The following PCNT variants were observed in gnomAD, a reference collection of about 807,000 sequenced individuals.
PCNT encodes the protein kendrin.
Under a neutral mutation model 380.4 loss-of-function variants are expected in PCNT, and 319 were observed. That is an observed-to-expected ratio of 0.84 (90% confidence interval 0.77 to 0.92). The LOEUF is 0.92. Ranked by LOEUF, PCNT falls within the 40% of genes least tolerant of loss-of-function variation. PCNT has a pLI of 0.00. For synonymous variants in PCNT, 1,845 were observed against 1,735.2 expected (o/e 1.06, Z -1.57); for missense variants, 4,400 against 4,255.3 (o/e 1.03, Z -0.95).
chr21:46,334,021 ATGG>A (rs2083646624), intron 2 of PCNT, among the ~76,000 whole-genome samples: 2 of 152,078 alleles, frequency 1.3e-5, no homozygotes, highest in African/African-American at 4.8e-5. Flanking sequence ...CTTGGCTAAC[ATGG>A]TGAAACCCTG....
intron 19 of PCNT, 119 bp from the exon 20 acceptor site, chr21:46,390,551 C>T: frequency 9.4e-7 from 1 of 1,066,438 alleles, no homozygotes; most frequent in South Asian, 1.3e-5. Flanking sequence ...CCTGGCCTGG[C>T]CCTGCCTGGG....
Position 46,422,143 on chromosome 21 carries a change from G to A in PCNT, c.7179+19G>A. The A allele has an allele frequency of 6.2e-7, 1 of 1,612,570 alleles. No homozygotes were observed. Among genetic ancestry groups the A allele is most frequent in the Non-Finnish European group, 8.5e-7 (1 of 1,179,864 alleles). ...CGTGAAGGTATGGCTGGCAGGGGCG[G>A]CCCTCACAGCTTCACATGTGCAGCC... On this transcript the variant is annotated intron_variant, in intron 32 of 46. Coordinates refer to ENST00000359568, the MANE Select transcript of PCNT (RefSeq NM_006031.6).
At position 46,412,057 on chromosome 21, in the gene PCNT, C is replaced by G; in HGVS notation, c.5984C>G (p.Pro1995Arg). ...GATGCTGCTTTGGAGCCGGTTGTCC[C>G]TGACCCACAGGTGGGCTCCCCCCGC... ...SHDAALEPVVPDPQGDLQPVL... is the reference protein window; with the variant it reads ...SHDAALEPVVRDPQGDLQPVL... Residue 1995 changes from proline (P) to arginine (R), a missense_variant, in exon 28 of 47, where the codon CCT becomes CGT. Coordinates refer to ENST00000359568, the MANE Select transcript of PCNT (RefSeq NM_006031.6). The G allele has an allele frequency of 6.2e-7, 1 of 1,607,030 alleles. No homozygotes were observed. The highest frequency in any genetic ancestry group is 1.1e-5 in the South Asian group (1 of 91,002).
rs1290537073 is a variant in PCNT at position 46,411,228 on chromosome 21, G to A, written c.5155G>A (p.Ala1719Thr). The A allele has an allele frequency of 6.2e-7, 1 of 1,614,178 alleles. No individual in the cohort carries two copies. The highest frequency in any genetic ancestry group is 1.7e-5 in the Admixed American group (1 of 60,034). ...AAGTTCTGAGATTGAAGAGCTGAAA[G>A]CCACTATTGAAAATCTGCAAGAGAA... ...TRSSEIEELKATIENLQENQK... is the reference protein window; with the variant it reads ...TRSSEIEELKTTIENLQENQK... The change falls in exon 28 of 47, where the codon GCC becomes ACC. Residue 1719 changes from alanine to threonine, a missense_variant. Physicochemically the swap from Ala to Thr is moderately conservative, Grantham distance 58. Transcript: ENST00000359568.
chr21:46,338,971 G>A (rs567631303), intron 3 of PCNT, among the ~76,000 whole-genome samples: 4 of 152,020 alleles, frequency 2.6e-5, no homozygotes, highest in South Asian at 2.1e-4. Flanking sequence ...TAGTAGAGAC[G>A]GGGTTTCACC....
chr21:46,371,798 T>C (rs932775304), intron 15 of PCNT, among the ~76,000 whole-genome samples: 30 of 150,244 alleles, frequency 2.0e-4, no homozygotes, highest in African/African-American at 6.1e-4. Flanking sequence ...ACAGCACATG[T>C]GCACACACAG....
chr21:46,341,946 A>T lies in PCNT; in HGVS notation c.640-4182A>T, dbSNP rs1316127125. On this transcript the variant is annotated intron_variant, in intron 3 of 46. Coordinates refer to ENST00000359568, the MANE Select transcript of PCNT (RefSeq NM_006031.6). The stretch of plus-strand genomic sequence containing the variant: ...CTCCTGCTTTACATGCTTTTTACTT[A>T]TTTTTTTTTTTTTGAGATGGAGTCC... Among the ~76,000 whole-genome samples the T allele has an allele frequency of 5.5e-5, 8 of 145,152 alleles. No individual in the cohort carries two copies. In the East Asian group the frequency reaches 8.0e-4, roughly 15 times the overall value.
chr21:46,411,302 T>C lies in PCNT; in HGVS notation c.5229T>C (p.His1743=). Residue 1743 remains histidine, a synonymous_variant, in exon 28 of 47, where the codon CAT becomes CAC. Coordinates refer to ENST00000359568, the MANE Select transcript of PCNT (RefSeq NM_006031.6). ...KEKAEEIEQL[H]EVIEKLQHEL... is the part of the protein sequence containing the mutation. ...AAGCAGAGGAAATTGAACAACTCCA[T>C]GAAGTCATTGAGAAGCTGCAGCACG... 6.2e-7 allele frequency: 1 copy of C among 1,614,170 alleles called. No homozygotes were observed. Among genetic ancestry groups the C allele is most frequent in the Non-Finnish European group, 8.5e-7 (1 of 1,180,024 alleles).
At chr21:46,328,833 G>A (rs1225232253) in intron 2 of PCNT, among the ~76,000 whole-genome samples, 1 of 151,320 alleles carries the variant, frequency 6.6e-6, no homozygotes, top group Non-Finnish European at 1.5e-5. Flanking sequence ...GAGTGCAGCG[G>A]CACGCCCTCT....
chr21:46,430,489 T>C lies in PCNT; in HGVS notation c.7914-18T>C, dbSNP rs769555111. On this transcript the variant is annotated intron_variant, in intron 36 of 46. Coordinates refer to ENST00000359568, the MANE Select transcript of PCNT (RefSeq NM_006031.6). ...TCTGGCCCACGTGGTCAGATTGTTC[T>C]GCGATGTCTCCACGCAGATCCATGC... The C allele has an allele frequency of 6.5e-7, 1 of 1,549,906 alleles. No homozygotes were observed. Among genetic ancestry groups the C allele is most frequent in the East Asian group, 2.4e-5 (1 of 40,932 alleles).
At chr21:46,421,787 C>T (rs528140351) in intron 31 of PCNT, among the ~76,000 whole-genome samples, 183 bp from the exon 32 acceptor site, 1 of 152,248 alleles carries the variant, frequency 6.6e-6, no homozygotes, top group Non-Finnish European at 1.5e-5. Flanking sequence ...GCGTCTTTCT[C>T]ACCAGGGTTA....
rs1453822837 is a variant in PCNT at position 46,349,836 on chromosome 21, GTTAT to G, written c.1344+20_1344+23del. On this transcript the variant is annotated intron_variant, in intron 8 of 46. Coordinates refer to ENST00000359568, the MANE Select transcript of PCNT (RefSeq NM_006031.6). The stretch of plus-strand genomic sequence containing the variant: ...ACAGCTGGAGGTGGGCAGCAGCTTC[GTTAT>G]TTAATTACTTGGTATATTAGGGAAG... The G allele has an allele frequency of 6.2e-7, 1 of 1,612,678 alleles. No individual in the cohort carries two copies. The highest frequency in any genetic ancestry group is 8.5e-7 in the Non-Finnish European group (1 of 1,178,688).
intron 38 of PCNT, among the ~76,000 whole-genome samples, chr21:46,435,703 C>T (rs1321938361): frequency 7.2e-5 from 11 of 152,008 alleles, no homozygotes; most frequent in African/African-American, 9.7e-5. Flanking sequence ...CCACCACGCC[C>T]GGCTAATTTT....
chr21:46,326,215 T>C (rs1269055190), intron 1 of PCNT, among the ~76,000 whole-genome samples, 162 bp from the exon 2 acceptor site: 1 of 152,260 alleles, frequency 6.6e-6, no homozygotes, highest in Admixed American at 6.5e-5. Flanking sequence ...TAGATATTGA[T>C]GAAGGCAGTG....
intron 32 of PCNT, among the ~76,000 whole-genome samples, chr21:46,423,954 G>A (rs1258123017): frequency 6.6e-6 from 1 of 152,148 alleles, no homozygotes; most frequent in African/African-American, 2.4e-5. Context: ...GTCTCAGACT[G>A]TTTCAAACTC....
In PCNT at chr21:46,401,708, G is replaced by A. The variant is rs982539653; in HGVS notation, c.4949G>A (p.Arg1650Gln). The A allele has an allele frequency of 2.3e-5, 37 of 1,613,970 alleles. No individual in the cohort carries two copies. Among genetic ancestry groups the A allele is most frequent in the Non-Finnish European group, 2.7e-5 (32 of 1,180,028 alleles). ...QLEVTQRALL[R>Q]RESEVLDLKE... ...GAGGTGACACAGAGAGCACTCCTGC[G>A]GCGCGAGAGCGAGGTGAGTGCAGAG... The change falls in exon 26 of 47, where the codon CGG becomes CAG. Residue 1650 changes from arginine to glutamine, a missense_variant. Transcript: ENST00000359568.
At chr21:46,439,665 G>C (rs1331650711) in intron 41 of PCNT, among the ~76,000 whole-genome samples, 1 of 152,186 alleles carries the variant, frequency 6.6e-6, no homozygotes, top group Non-Finnish European at 1.5e-5. Flanking sequence ...ACCCACAGTT[G>C]GTTGAATCCA....
At chr21:46,409,064 G>C (rs550961519) in intron 27 of PCNT, among the ~76,000 whole-genome samples, 2 of 151,464 alleles carry the variant, frequency 1.3e-5, no homozygotes, top group South Asian at 4.2e-4. Flanking sequence ...GTTTCTTATT[G>C]TTTTGGGAAT....
intron 21 of PCNT, among the ~76,000 whole-genome samples, chr21:46,395,510 C>T (rs371863365): frequency 8.5e-6 from 1 of 118,056 alleles, no homozygotes; most frequent in Non-Finnish European, 1.9e-5. Flanking sequence ...GACTTCAGGA[C>T]TCAGCAGCAG....
Sources: allele counts gnomAD v4.1 joint callset (sites outside exome capture counted in the v4.1 genomes callset), GRCh38; gene constraint gnomAD v4.1.1; transcripts MANE v1.5; gene names NCBI Gene and HGNC (gene_info 2026-07-23, HGNC 2026-07-21).